Variants in ABCC1 observed in about 807,000 individuals in gnomAD.
ABCC1 encodes the protein multidrug resistance-associated protein 1.
In ABCC1, 83 loss-of-function variants were observed where a neutral mutation model predicts 172.9. The ratio of observed to expected loss-of-function variants is 0.48; its 90% CI spans 0.40 to 0.58. ABCC1 has a LOEUF of 0.58. ABCC1 is among the 20% of genes least tolerant of loss of function. ABCC1 has a pLI of 0.00. For synonymous variants in ABCC1, 937 were observed against 825.2 expected, an observed-to-expected ratio of 1.14 and a Z score of -2.32; for missense variants, 1,817 against 2,002.7, an observed-to-expected ratio of 0.91 and a Z score of 1.77.
intron 21 of ABCC1, among the ~76,000 whole-genome samples, chr16:16,110,155 G>A (rs115953121): frequency 0.018 from 2,787 of 151,608 alleles, 102 homozygotes; most frequent in African/African-American, 0.063. Context: ...ACCCAGGCTG[G>A]TGTGCAGTAA....
In ABCC1 at chr16:16,136,613, C is replaced by G; in HGVS notation, c.4261C>G (p.His1421Asp). The stretch of plus-strand genomic sequence containing the variant: ...GTCAGCCCTTCCTGACAAGCTAGAC[C>G]ATGAATGTGCAGAAGGCGGGGAGAA... ...FVSALPDKLD[H>D]ECAEGGENLS... is the part of the protein sequence containing the mutation. The change falls in exon 29 of 31, where the codon CAT becomes GAT. Residue 1421 changes from histidine (H) to aspartate (D), a missense_variant. Physicochemically the swap from His to Asp is moderately conservative, Grantham distance 81. Around this residue, in one of 3 missense-constraint regions of ABCC1, gnomAD observed 1,412 missense variants for 1,600.3 expected, o/e 0.88. Transcript: ENST00000399410. The G allele has an allele frequency of 6.2e-7, 1 of 1,614,146 alleles. No homozygotes were observed. Among genetic ancestry groups the G allele is most frequent in the Non-Finnish European group, 8.5e-7 (1 of 1,180,016 alleles).
intron 5 of ABCC1, among the ~76,000 whole-genome samples, chr16:16,022,457 T>C (rs1254645083): frequency 6.6e-6 from 1 of 152,104 alleles, no homozygotes; most frequent in Non-Finnish European, 1.5e-5. Flanking sequence ...AGGAGGGTCT[T>C]GTAGATAAGG....
intron 1 of ABCC1, among the ~76,000 whole-genome samples, chr16:15,996,294 TA>T (rs1311215502): frequency 1.3e-5 from 2 of 152,170 alleles, no homozygotes; most frequent in Non-Finnish European, 2.9e-5. Flanking sequence ...GCTAAGTTTT[TA>T]AATTTTTTTG....
chr16:16,071,826 G>A (rs1423900915), intron 14 of ABCC1, 97 bp downstream of exon 14: 7 of 1,136,238 alleles, frequency 6.2e-6, no homozygotes, highest in Non-Finnish European at 3.9e-6. Context: ...GCTGCCCTCA[G>A]GTTTGACTCT....
chr16:16,098,999 GTC>G, intron 19 of ABCC1: 1 of 1,115,184 alleles, frequency 9.0e-7, no homozygotes, highest in Non-Finnish European at 1.2e-6. Flanking sequence ...GCCGTCAGAT[GTC>G]TGTGTTTTCA....
At chr16:16,032,968 G>T in intron 5 of ABCC1, 141 bp from the exon 6 acceptor site, 1 of 713,032 alleles carries the variant, frequency 1.4e-6, no homozygotes, top group Non-Finnish European at 2.4e-6. Flanking sequence ...GGTCCTTTTG[G>T]GGTGCAGAAT....
At chr16:16,108,074 T>A (rs2052215694) in intron 21 of ABCC1, among the ~76,000 whole-genome samples, 1 of 151,930 alleles carries the variant, frequency 6.6e-6, no homozygotes, top group East Asian at 1.9e-4. Flanking sequence ...CGCCTTACCC[T>A]TAGTGACCCT....
intron 21 of ABCC1, among the ~76,000 whole-genome samples, chr16:16,108,308 C>CCTG (rs2052230510): frequency 7.9e-6 from 1 of 126,236 alleles, no homozygotes; most frequent in African/African-American, 2.9e-5. Context: ...GAGACGAAGT[C>CCTG]CTGCTGTGTT....
chr16:16,114,705 C>A, intron 22 of ABCC1, 61 bp from the exon 23 acceptor site: 1 of 1,502,262 alleles, frequency 6.7e-7, no homozygotes, highest in Admixed American at 1.9e-5. Flanking sequence ...GCCACTCCTC[C>A]CTGCAGTGCC....
intron 1 of ABCC1, among the ~76,000 whole-genome samples, chr16:15,960,930 A>G (rs2046112849): frequency 1.3e-5 from 2 of 151,898 alleles, no homozygotes; most frequent in South Asian, 4.1e-4. Context: ...TCAGCAAGGA[A>G]GTAGAACAAT....
intron 19 of ABCC1, among the ~76,000 whole-genome samples, chr16:16,095,833 G>A (rs1046624245): frequency 2.6e-5 from 4 of 152,026 alleles, no homozygotes; most frequent in African/African-American, 9.6e-5. Context: ...CACCTGGCCC[G>A]TGGCCATTTT....
intron 23 of ABCC1, among the ~76,000 whole-genome samples, chr16:16,119,116 C>T (rs117767588): frequency 0.011 from 1,613 of 152,174 alleles, 18 homozygotes; most frequent in Non-Finnish European, 0.016. Context: ...AGAAGCCAGA[C>T]GAAAAAGAGT....
chr16:16,007,620 T>C (rs2047593244), intron 1 of ABCC1, among the ~76,000 whole-genome samples, 196 bp from the exon 2 acceptor site: 1 of 152,162 alleles, frequency 6.6e-6, no homozygotes. Flanking sequence ...CACATACCTT[T>C]ATCCCTTGTT....
chr16:15,969,708 G>A (rs1314443106), intron 1 of ABCC1, among the ~76,000 whole-genome samples: 2 of 151,752 alleles, frequency 1.3e-5, no homozygotes, highest in African/African-American at 2.4e-5. Context: ...CTGTGTACAG[G>A]TAGGTCCTGG....
chr16:16,017,814 G>A (rs2048057170), intron 5 of ABCC1, among the ~76,000 whole-genome samples: 1 of 152,136 alleles, frequency 6.6e-6, no homozygotes. Context: ...AAAACTGCAT[G>A]TGAGCGGAGA....
intron 1 of ABCC1, among the ~76,000 whole-genome samples, chr16:15,976,041 G>A (rs45483092): frequency 8.6e-5 from 13 of 152,018 alleles, no homozygotes; most frequent in South Asian, 2.1e-4. Context: ...TGAGGTGGGC[G>A]GATCACCTGA....
At chr16:15,996,206 A>T (rs142642020) in intron 1 of ABCC1, among the ~76,000 whole-genome samples, 1 of 151,896 alleles carries the variant, frequency 6.6e-6, no homozygotes, top group African/African-American at 2.4e-5. Flanking sequence ...GCTGGTCTCG[A>T]ACTCCTGACC....
chr16:15,989,207 G>C (rs2046806813), intron 1 of ABCC1, among the ~76,000 whole-genome samples: 1 of 152,252 alleles, frequency 6.6e-6, no homozygotes, highest in African/African-American at 2.4e-5. Flanking sequence ...ATGGGGATAA[G>C]TCTGGAAATT....
At chr16:15,992,811 T>C (rs891782829) in intron 1 of ABCC1, among the ~76,000 whole-genome samples, 12 of 152,196 alleles carry the variant, frequency 7.9e-5, no homozygotes, top group Non-Finnish European at 1.6e-4. Flanking sequence ...GTACCATGCC[T>C]CCAAGATTGG....
Sources: allele counts gnomAD v4.1 joint callset (sites outside exome capture counted in the v4.1 genomes callset), GRCh38; gene constraint gnomAD v4.1.1; regional missense constraint gnomAD v4.1.1; transcripts MANE v1.5; gene names NCBI Gene and HGNC (gene_info 2026-07-23, HGNC 2026-07-21).